LYPD6B: variants seen among roughly 807,000 people sequenced by gnomAD.
The protein encoded by LYPD6B is LY6/PLAUR domain containing 6B, also known as ly6/PLAUR domain-containing protein 6B.
In LYPD6B, 17 loss-of-function variants were observed where a neutral mutation model predicts 22.8. That is an observed-to-expected ratio of 0.75 (90% CI 0.51 to 1.12). LYPD6B has a LOEUF of 1.12. Among genes scored for constraint, LYPD6B ranks in the 50% most tolerant of loss-of-function variants. The pLI is 0.00. For synonymous variants in LYPD6B, 106 were observed against 91.6 expected (o/e 1.16, Z -0.90); for missense variants, 221 against 258.3 (o/e 0.86, Z 0.99).
chr2:149,102,980 T>G (rs1370852500), intron 1 of LYPD6B, among the ~76,000 whole-genome samples: 3 of 152,222 alleles, frequency 2.0e-5, no homozygotes, highest in African/African-American at 7.2e-5. Context: ...TATGTCCCTC[T>G]GTGTCCGTGT....
At chr2:149,185,834 C>T (rs1254730245) in intron 3 of LYPD6B, among the ~76,000 whole-genome samples, 1 of 152,098 alleles carries the variant, frequency 6.6e-6, no homozygotes, top group Non-Finnish European at 1.5e-5. Flanking sequence ...TATTATTATA[C>T]CTGTTATGGT....
chr2:149,162,111 C>T (rs139180533), intron 3 of LYPD6B, among the ~76,000 whole-genome samples: 35 of 152,208 alleles, frequency 2.3e-4, no homozygotes, highest in Non-Finnish European at 4.0e-4. Flanking sequence ...AGCAAGGAAA[C>T]GTAATTCATT....
intron 1 of LYPD6B, among the ~76,000 whole-genome samples, chr2:149,076,032 G>A (rs1398045395): frequency 6.6e-6 from 1 of 152,136 alleles, no homozygotes; most frequent in Non-Finnish European, 1.5e-5. Flanking sequence ...CCAGAGGAGC[G>A]GGAGAATGGG....
At chr2:149,122,644 C>T (rs555540913) in intron 1 of LYPD6B, among the ~76,000 whole-genome samples, 80 of 141,626 alleles carry the variant, frequency 5.6e-4, no homozygotes, top group Admixed American at 1.1e-3. Flanking sequence ...TGTTCAATTC[C>T]CACCTGTGAG....
chr2:149,133,609 T>C (rs1338946264), intron 2 of LYPD6B, among the ~76,000 whole-genome samples: 2 of 152,208 alleles, frequency 1.3e-5, no homozygotes, highest in African/African-American at 4.8e-5. Context: ...ACATGTCGGC[T>C]TGTAAGGTAT....
In LYPD6B at chr2:149,124,041, C is replaced by G. The variant is rs1200379832; in HGVS notation, c.-66-6842C>G. Among the ~76,000 whole-genome samples the G allele has an allele frequency of 2.0e-5, 3 of 152,236 alleles. No homozygotes were observed. In the South Asian group the frequency reaches 6.2e-4, roughly 31 times the overall value. On this transcript the variant is annotated intron_variant, in intron 1 of 6. Transcript: ENST00000409642. ...GTATGCTTTTCTAGTTAAGGACCCACTCCTGTGGAATCCAAGGGCCATTCT... is the reference window on the plus strand; with the variant it reads ...GTATGCTTTTCTAGTTAAGGACCCAGTCCTGTGGAATCCAAGGGCCATTCT...
chr2:149,181,517 T>C (rs948981297), intron 3 of LYPD6B, among the ~76,000 whole-genome samples: 4 of 152,150 alleles, frequency 2.6e-5, no homozygotes, highest in African/African-American at 7.2e-5. Flanking sequence ...ACCCAGACTC[T>C]TTGCCTCCCA....
chr2:149,140,048 C>A (rs915539894), intron 2 of LYPD6B, among the ~76,000 whole-genome samples: 3 of 151,960 alleles, frequency 2.0e-5, no homozygotes, highest in Admixed American at 2.0e-4. Context: ...TTTACTGGAA[C>A]TGAATTCCAG....
chr2:149,077,981 G>A (rs1206943239), intron 1 of LYPD6B, among the ~76,000 whole-genome samples: 1 of 152,170 alleles, frequency 6.6e-6, no homozygotes, highest in East Asian at 1.9e-4. Flanking sequence ...GTTTCCTGGA[G>A]GGCAGACTTT....
chr2:149,188,320 T>A (rs897384755), intron 3 of LYPD6B, among the ~76,000 whole-genome samples: 12 of 152,194 alleles, frequency 7.9e-5, no homozygotes, highest in African/African-American at 2.7e-4. Context: ...TTTTCACTTA[T>A]AAATAGGCCC....
chr2:149,145,012 TG>T (rs1318645348), intron 2 of LYPD6B, among the ~76,000 whole-genome samples: 1 of 152,146 alleles, frequency 6.6e-6, no homozygotes, highest in Non-Finnish European at 1.5e-5. Context: ...CCCCCTAAAC[TG>T]AGAGTGTACA....
At chr2:149,163,315 C>T (rs1421333150) in intron 3 of LYPD6B, among the ~76,000 whole-genome samples, 2 of 152,206 alleles carry the variant, frequency 1.3e-5, no homozygotes, top group East Asian at 1.9e-4. Context: ...GACCTGTAAG[C>T]TCTTGGAAGG....
intron 1 of LYPD6B, among the ~76,000 whole-genome samples, chr2:149,050,797 C>A (rs1683515030): frequency 6.6e-6 from 1 of 152,248 alleles, no homozygotes; most frequent in South Asian, 2.1e-4. Context: ...ACCCAGGAAG[C>A]CCGGAGCTAC....
chr2:149,092,450 G>A (rs1178966030), intron 1 of LYPD6B, among the ~76,000 whole-genome samples: 3 of 152,162 alleles, frequency 2.0e-5, no homozygotes, highest in Non-Finnish European at 2.9e-5. Context: ...CGTAAAATCT[G>A]GAAGTAGCCC....
intron 1 of LYPD6B, among the ~76,000 whole-genome samples, chr2:149,049,638 A>G (rs896095502): frequency 6.6e-6 from 1 of 152,164 alleles, no homozygotes; most frequent in East Asian, 1.9e-4. Flanking sequence ...TATGCGCTAG[A>G]TACTAGAGCC....
At chr2:149,184,961 T>C (rs536159772) in intron 3 of LYPD6B, among the ~76,000 whole-genome samples, 3 of 152,258 alleles carry the variant, frequency 2.0e-5, no homozygotes, top group African/African-American at 7.2e-5. Flanking sequence ...AAAGAAAATA[T>C]GACTTTGCTT....
intron 1 of LYPD6B, among the ~76,000 whole-genome samples, chr2:149,060,545 A>G (rs1390338582): frequency 2.0e-5 from 3 of 152,076 alleles, no homozygotes; most frequent in African/African-American, 7.2e-5. Flanking sequence ...AACAACAATT[A>G]TTTATTATTA....
intron 3 of LYPD6B, among the ~76,000 whole-genome samples, chr2:149,199,013 C>T (rs1692998081): frequency 6.6e-6 from 1 of 152,168 alleles, no homozygotes; most frequent in Non-Finnish European, 1.5e-5. Flanking sequence ...ATCCTGTTGA[C>T]CAGATTTACT....
chr2:149,155,159 G>A (rs1244032045), intron 2 of LYPD6B, among the ~76,000 whole-genome samples: 1 of 152,168 alleles, frequency 6.6e-6, no homozygotes, highest in Non-Finnish European at 1.5e-5. Context: ...CAAGAGCCCT[G>A]GAACTTACAG....
Sources: gnomAD v4.1 joint callset for allele counts (sites outside exome capture counted in the v4.1 genomes callset) on GRCh38, gnomAD v4.1.1 for gene constraint, MANE v1.5 for transcripts, NCBI Gene and HGNC (gene_info 2026-07-23, HGNC 2026-07-21) for gene names.